Variants in DAB1 observed in about 807,000 individuals in gnomAD.
The protein encoded by DAB1 is DAB adaptor protein 1, also known as disabled homolog 1.
In DAB1, 15 loss-of-function variants were observed where a neutral mutation model predicts 64.6. The observed-to-expected ratio is 0.23, with a 90% confidence interval of 0.16 to 0.36. The LOEUF (loss-of-function observed/expected upper bound fraction) is 0.36, where lower values mean the gene tolerates loss of function less well. DAB1 is among the 10% of genes least tolerant of loss of function. DAB1 has a pLI of 1.00. For missense variants in DAB1, 596 were observed against 706.7 expected (o/e 0.84, Z 1.78); for synonymous variants, 235 against 251.9 (o/e 0.93, Z 0.64).
intron 4 of DAB1, among the ~76,000 whole-genome samples, chr1:57,132,732 G>C (rs770863405): frequency 5.3e-5 from 8 of 152,054 alleles, no homozygotes; most frequent in Non-Finnish European, 1.2e-4. Flanking sequence ...TCATATATGG[G>C]TTATACTGTC....
intron 2 of DAB1, among the ~76,000 whole-genome samples, chr1:57,170,408 A>G (rs1661633295): frequency 6.6e-6 from 1 of 152,236 alleles, no homozygotes. Flanking sequence ...GGCACATAAT[A>G]AGTGTTTAAT....
At position 57,221,924 on chromosome 1, in the gene DAB1, G is replaced by C. The variant is rs181770554; in HGVS notation, c.67+69040C>G. 2.0e-3 allele frequency among the ~76,000 whole-genome samples: 298 copies of C among 149,874 alleles called. 1 individual carries two copies. Among genetic ancestry groups the C allele is most frequent in the Middle Eastern group, 0.014 (4 of 290 alleles). ...TTTTGCTTTATAGATTATTGTCCCTGGTTCTTTTCATGTGTTACTTTTTAT... is the reference window on the plus strand; with the variant it reads ...TTTTGCTTTATAGATTATTGTCCCTCGTTCTTTTCATGTGTTACTTTTTAT... On this transcript the variant is annotated intron_variant, in intron 2 of 14. Coordinates refer to ENST00000371236, the MANE Select transcript of DAB1 (RefSeq NM_001365792.1).
chr1:57,568,903 T>C lies in DAB1; in HGVS notation n.625+80689A>G, dbSNP rs560872309. Among the ~76,000 whole-genome samples, 7 of 152,284 alleles carry C rather than the reference T, an allele frequency of 4.6e-5. No individual in the cohort carries two copies. The South Asian group carries it at 1.2e-3, about 27-fold the overall frequency. ...CAGGGATCTAGAACTAGAAATACCA[T>C]TTGACCCAGCCATCCTATTACTGGG... On this transcript the variant is annotated intron_variant and non_coding_transcript_variant, in intron 7 of 20. Transcript: ENST00000485760.
chr1:58,448,376 G>A (rs1207608263), intron 3 of DAB1, among the ~76,000 whole-genome samples: 4 of 152,158 alleles, frequency 2.6e-5, no homozygotes, highest in Non-Finnish European at 4.4e-5. Flanking sequence ...GTAGATAACA[G>A]AAATTTTGCC....
chr1:58,314,544 A>G (rs2100477926), intron 4 of DAB1, among the ~76,000 whole-genome samples: 1 of 152,036 alleles, frequency 6.6e-6, no homozygotes, highest in African/African-American at 2.4e-5. Flanking sequence ...GTATTTACTC[A>G]CTCTCCCAGC....
chr1:57,677,396 G>T (rs1646580492), intron 6 of DAB1, among the ~76,000 whole-genome samples: 1 of 152,146 alleles, frequency 6.6e-6, no homozygotes, highest in Non-Finnish European at 1.5e-5. Context: ...ACAGAAAGGA[G>T]ACCAAGGCTC....
chr1:57,867,668 A>G (rs2101951691), intron 1 of DAB1, among the ~76,000 whole-genome samples: 1 of 152,264 alleles, frequency 6.6e-6, no homozygotes, highest in Non-Finnish European at 1.5e-5. Context: ...GAATAATTCC[A>G]GGGCTCTCCA....
intron 4 of DAB1, among the ~76,000 whole-genome samples, chr1:57,078,276 G>A (rs1321907866): frequency 6.6e-6 from 1 of 152,140 alleles, no homozygotes; most frequent in African/African-American, 2.4e-5. Flanking sequence ...TGAAGAGGTG[G>A]TGTGATAATG....
intron 4 of DAB1, among the ~76,000 whole-genome samples, chr1:58,224,991 C>A (rs1389694221): frequency 6.6e-6 from 1 of 152,138 alleles, no homozygotes; most frequent in Non-Finnish European, 1.5e-5. Flanking sequence ...AGCTTCTGCA[C>A]AGCAAAAGAA....
intron 4 of DAB1, among the ~76,000 whole-genome samples, chr1:58,274,995 C>G (rs142287629): frequency 6.8e-4 from 104 of 152,190 alleles, no homozygotes; most frequent in Non-Finnish European, 1.2e-3. Flanking sequence ...AGCTGTAGAC[C>G]GGAGCTGTTC....
intron 5 of DAB1, among the ~76,000 whole-genome samples, chr1:58,103,456 G>T (rs891180955): frequency 1.3e-5 from 2 of 152,036 alleles, no homozygotes; most frequent in Non-Finnish European, 2.9e-5. Flanking sequence ...AAATGAATGG[G>T]CATGGTTGTG....
intron 5 of DAB1, among the ~76,000 whole-genome samples, chr1:58,116,504 A>T (rs1652342160): frequency 2.0e-5 from 3 of 152,146 alleles, no homozygotes; most frequent in Non-Finnish European, 4.4e-5. Context: ...TCCAATATAC[A>T]TCAGACTCAT....
intron 5 of DAB1, among the ~76,000 whole-genome samples, chr1:57,904,316 G>A (rs1168295105): frequency 2.0e-5 from 3 of 152,138 alleles, no homozygotes; most frequent in Non-Finnish European, 4.4e-5. Context: ...TTGAGTGTCT[G>A]GAAAATTCCT....
In DAB1 at chr1:58,370,045, G is replaced by A. The variant is rs541698161; in HGVS notation, n.258-26642C>T. On this transcript the variant is annotated intron_variant and non_coding_transcript_variant, in intron 3 of 20. Coordinates refer to the DAB1 transcript ENST00000485760. Reference sequence around the variant, plus strand: ...TTAAATGTGTATATTCTAGGACCCAGTGATGCCATATTTAGAGATATGCCT... The same window carrying A: ...TTAAATGTGTATATTCTAGGACCCAATGATGCCATATTTAGAGATATGCCT... Among the ~76,000 whole-genome samples, 4 of 152,310 alleles carry A rather than the reference G, an allele frequency of 2.6e-5. No individual in the cohort carries two copies. The South Asian group carries it at 8.3e-4, about 32-fold the overall frequency.
At chr1:57,536,102 C>A (rs569035412) in intron 7 of DAB1, among the ~76,000 whole-genome samples, 139 of 152,314 alleles carry the variant, frequency 9.1e-4, no homozygotes, top group African/African-American at 3.3e-3. Context: ...CTTTGATCAG[C>A]AAACATTAGC....
chr1:57,016,232 G>A (rs6676740), intron 11 of DAB1, among the ~76,000 whole-genome samples: 2 of 151,766 alleles, frequency 1.3e-5, no homozygotes, highest in South Asian at 2.1e-4. Context: ...AAATGGTAGC[G>A]AGAGGTATTA....
At chr1:57,227,516 C>CTT (rs1553158361) in intron 2 of DAB1, among the ~76,000 whole-genome samples, 17 of 108,110 alleles carry the variant, frequency 1.6e-4, no homozygotes, top group African/African-American at 5.9e-4. Flanking sequence ...GATTTTTTTT[C>CTT]TTTTGTGTGT....
intron 5 of DAB1, among the ~76,000 whole-genome samples, chr1:58,140,043 G>T (rs1654189385): frequency 6.6e-6 from 1 of 152,174 alleles, no homozygotes; most frequent in Non-Finnish European, 1.5e-5. Flanking sequence ...TGTGCATCTG[G>T]AAGATTAACC....
At chr1:57,084,607 T>C (rs1652869849) in intron 4 of DAB1, among the ~76,000 whole-genome samples, 1 of 152,214 alleles carries the variant, frequency 6.6e-6, no homozygotes, top group Admixed American at 6.5e-5. Context: ...TGAAATTAAA[T>C]TCTACGTATT....
Sources: allele counts gnomAD v4.1 joint callset (sites outside exome capture counted in the v4.1 genomes callset), GRCh38; gene constraint gnomAD v4.1.1; transcripts MANE v1.5; gene names NCBI Gene and HGNC (gene_info 2026-07-23, HGNC 2026-07-21).